The following ZNF142 variants were observed in gnomAD, a reference collection of about 807,000 sequenced individuals.
The protein encoded by ZNF142 is zinc finger protein 142, also known as zinc finger protein 142 (clone pHZ-49).
In ZNF142, 96 loss-of-function variants were observed where a neutral mutation model predicts 132.1. The ratio of observed to expected loss-of-function variants is 0.73; its 90% CI spans 0.62 to 0.86. ZNF142 has a LOEUF of 0.86. ZNF142 is among the 40% of genes least tolerant of loss of function. ZNF142 has a pLI of 0.00. For missense variants in ZNF142, 2,163 were observed against 2,336.2 expected (o/e 0.93, Z 1.53); for synonymous variants, 842 against 890.1 (o/e 0.95, Z 0.96).
chr2:218,637,963 G>A lies in ZNF142; in HGVS notation c.*376C>T, dbSNP rs903234489. On this transcript the variant is annotated 3_prime_UTR_variant, in exon 11 of 11. Coordinates refer to ENST00000411696, the MANE Select transcript of ZNF142 (RefSeq NM_001379659.1). The stretch of plus-strand genomic sequence containing the variant: ...GAGCATTAGGCACAACAGCACATGC[G>A]GTTAGATACAACTGTTTTTAGAAGA... The A allele has an allele frequency of 5.7e-6, 1 of 175,656 alleles. No individual in the cohort carries two copies. The highest frequency in any genetic ancestry group is 1.2e-5 in the Non-Finnish European group (1 of 84,310). The allele number at this position is 175,656 out of a possible 1,614,324, so 10.9% of individuals were successfully genotyped here.
Position 218,658,805 on chromosome 2 carries a change from C to A in ZNF142, c.-139G>T, listed in dbSNP as rs747874376. 1 of 152,186 alleles carries A rather than the reference C, an allele frequency of 6.6e-6. No homozygotes were observed. The highest frequency in any genetic ancestry group is 1.5e-5 in the Non-Finnish European group (1 of 68,078). The allele number at this position is 152,186 out of a possible 1,614,324, so 9.4% of individuals were successfully genotyped here. A position where few individuals can be genotyped will look rare whatever the true frequency, so the allele number is the denominator to read the frequency against. On this transcript the variant is annotated 5_prime_UTR_variant, in exon 3 of 11. Coordinates refer to ENST00000411696, the MANE Select transcript of ZNF142 (RefSeq NM_001379659.1). ...CGTCAAGATTAAGAACCTTCACCTG[C>A]GGGAGGGCAGGGTGAGGTAGGAGAC...
In ZNF142 at chr2:218,640,785, G is replaced by A; in HGVS notation, c.5089-16C>T. The stretch of plus-strand genomic sequence containing the variant: ...GCATGTGGTACTGGAAGAGGCAAGA[G>A]CAAAAAGCAGAAAATATAGTAAGTG... On this transcript the variant is annotated splice_polypyrimidine_tract_variant and intron_variant, in intron 9 of 10. Transcript: ENST00000411696. 2 of 1,606,254 alleles carry A rather than the reference G, an allele frequency of 1.2e-6. No homozygotes were observed. Among genetic ancestry groups the A allele is most frequent in the Non-Finnish European group, 8.5e-7 (1 of 1,173,288 alleles).
Position 218,644,664 on chromosome 2 carries a change from T to C in ZNF142, c.2452A>G (p.Met818Val). The C allele has an allele frequency of 1.2e-6, 2 of 1,614,216 alleles. No homozygotes were observed. Among genetic ancestry groups the C allele is most frequent in the African/African-American group, 1.3e-5 (1 of 75,064 alleles). The change falls in exon 9 of 11, where the codon ATG becomes GTG. Residue 818 changes from methionine (M) to valine (V), a missense_variant. By Grantham distance (21) the Met-to-Val change is conservative. Transcript: ENST00000411696. This position sits in a 1 kb window ranked among gnomAD's most constrained non-coding sequence, Gnocchi z 4.6. Reference protein sequence around the residue: ...RYASQEPEGAMQGPTPPPDSE... With the variant: ...RYASQEPEGAVQGPTPPPDSE... Reference sequence around the variant, plus strand: ...TCTGGTGGGGGTGTTGGGCCCTGCATGGCCCCTTCTGGCTCCTGGCTTGCA... The same window carrying C: ...TCTGGTGGGGGTGTTGGGCCCTGCACGGCCCCTTCTGGCTCCTGGCTTGCA...
chr2:218,638,824 C>T lies in ZNF142; in HGVS notation c.5195-16G>A, dbSNP rs978598128. On this transcript the variant is annotated splice_polypyrimidine_tract_variant and intron_variant, in intron 10 of 10. Transcript: ENST00000411696. Reference sequence around the variant, plus strand: ...GGCTTCAGTCCTACAGGACAGGGAACAAATCACCATTGAAAGGCGGTGGAG... The same window carrying T: ...GGCTTCAGTCCTACAGGACAGGGAATAAATCACCATTGAAAGGCGGTGGAG... The T allele has an allele frequency of 3.4e-5, 53 of 1,568,642 alleles. No homozygotes were observed. The highest frequency in any genetic ancestry group is 4.3e-5 in the Non-Finnish European group (50 of 1,160,548).
At chr2:218,640,574 C>T (rs1697099997) in intron 10 of ZNF142, 90 bp downstream of exon 10, 1 of 1,177,674 alleles carries the variant, frequency 8.5e-7, no homozygotes. Context: ...GATGTTGGCC[C>T]TGAATTGGAA....
Position 218,652,066 on chromosome 2 carries a change from T to C in ZNF142, c.515A>G (p.Glu172Gly). ...SPLSCPVCRQ[E>G]FAQPQALKSH... ...CTTCAGGGCCTGGGGTTGGGCAAAC[T>C]CCTGTCTACACACAGGGCATGATAG... The change falls in exon 5 of 11, where the codon GAG (glutamate) becomes GGG (glycine). Residue 172 changes from glutamate (E) to glycine (G), a missense_variant. Glu to Gly is a moderately conservative substitution (Grantham distance 98). Coordinates refer to ENST00000411696, the MANE Select transcript of ZNF142 (RefSeq NM_001379659.1). 2.2e-6 allele frequency: 1 copy of C among 462,888 alleles called. No homozygotes were observed. 28.7% of individuals were successfully genotyped at this position (462,888 alleles called of 1,614,324 possible). A position where few individuals can be genotyped will look rare whatever the true frequency, so the allele number is the denominator to read the frequency against.
chr2:218,645,603 A>G (rs542257635), intron 8 of ZNF142, among the ~76,000 whole-genome samples: 2 of 152,254 alleles, frequency 1.3e-5, no homozygotes, highest in Admixed American at 1.3e-4. Flanking sequence ...AACTCAAGTG[A>G]CACCTTAGTC....
chr2:218,650,256 C>A, intron 6 of ZNF142, 103 bp downstream of exon 6: 1 of 1,423,764 alleles, frequency 7.0e-7, no homozygotes, highest in South Asian at 1.2e-5. Context: ...ATAAAAGGAT[C>A]CGAACCAAAG....
chr2:218,634,070 C>T lies in ZNF142; in HGVS notation c.*4269G>A, dbSNP rs1188962655. The T allele has an allele frequency of 3.2e-6, 5 of 1,572,900 alleles. No individual in the cohort carries two copies. Among genetic ancestry groups the T allele is most frequent in the Non-Finnish European group, 4.3e-6 (5 of 1,158,962 alleles). On this transcript the variant is annotated 3_prime_UTR_variant, in exon 11 of 11. Transcript: ENST00000411696. This position sits in a 1 kb window ranked among gnomAD's most constrained non-coding sequence, Gnocchi z 4.0. ...GGACTAGGGAAGTGGGAGATTCCAC[C>T]CCACTTCCATCTCCCTCTCTATACC...
rs780208929 is a variant in ZNF142, at chr2:218,638,565, AG to A, written c.5437del (p.Leu1813SerfsTer100). The A allele has an allele frequency of 1.2e-6, 2 of 1,611,462 alleles. No individual in the cohort carries two copies. The highest frequency in any genetic ancestry group is 4.5e-5 in the East Asian group (2 of 44,804). ...GAAGGGGTGGCGGTCGGTGTGGGTG[AG>A]GGCATGATGGCGCAGGCCAGCAGCC... is the stretch of plus-strand genomic sequence containing the variant. Reference protein sequence around the residue: ...RWAAGLRHHALTHTDRHPFFC... With the variant: ...RWAAGLRHHAXTHTDRHPFFC... On this transcript the variant is annotated frameshift_variant, in exon 11 of 11. Coordinates refer to ENST00000411696, the MANE Select transcript of ZNF142 (RefSeq NM_001379659.1). LOFTEE classifies it high-confidence loss of function.
At chr2:218,651,213 C>A (rs1165527992) in intron 5 of ZNF142, among the ~76,000 whole-genome samples, 1 of 152,184 alleles carries the variant, frequency 6.6e-6, no homozygotes, top group African/African-American at 2.4e-5. Flanking sequence ...AACTCCTGGG[C>A]TCAAGGGATC....
In ZNF142 at chr2:218,634,536, A is replaced by T. The variant is rs149628135; in HGVS notation, c.*3803T>A. The T allele has an allele frequency of 7.6e-5, 123 of 1,614,062 alleles. No individual in the cohort carries two copies. The African/African-American group carries it at 1.4e-3, about 18-fold the overall frequency. ...TTCCGCCAGAATGGCGGCTGTGGCT[A>T]TGTGCTGAAGCCAGACTTCCTGCGT... On this transcript the variant is annotated 3_prime_UTR_variant, in exon 11 of 11. Coordinates refer to ENST00000411696, the MANE Select transcript of ZNF142 (RefSeq NM_001379659.1). This position sits in a 1 kb window ranked among gnomAD's most constrained non-coding sequence, Gnocchi z 4.0.
In ZNF142 at chr2:218,636,828, ATACTG is replaced by A. The variant is rs1696788906; in HGVS notation, c.*1506_*1510del. ...CCTGCCCTTTTCCTTTGTGTACTCT[ATACTG>A]GAGTTCCCTTCTTCCTCTTGCTGTA... On this transcript the variant is annotated 3_prime_UTR_variant, in exon 11 of 11. Transcript: ENST00000411696. 3.5e-6 allele frequency: 2 copies of A among 570,084 alleles called. No individual in the cohort carries two copies. The highest frequency in any genetic ancestry group is 6.6e-6 in the Non-Finnish European group (2 of 301,660). The allele number at this position is 570,084 out of a possible 1,614,324, so 35.3% of individuals were successfully genotyped here. A position where few individuals can be genotyped will look rare whatever the true frequency, so the allele number is the denominator to read the frequency against.
chr2:218,640,840 G>C (rs1423032323), intron 9 of ZNF142, 71 bp from the exon 10 acceptor site: 4 of 1,261,444 alleles, frequency 3.2e-6, no homozygotes, highest in Non-Finnish European at 4.6e-6. Context: ...TATTATCCAG[G>C]TTATTCTTGC....
In ZNF142 at chr2:218,634,172, C is replaced by T. The variant is rs1465262520; in HGVS notation, c.*4167G>A. On this transcript the variant is annotated 3_prime_UTR_variant, in exon 11 of 11. Coordinates refer to ENST00000411696, the MANE Select transcript of ZNF142 (RefSeq NM_001379659.1). The surrounding 1 kb of genome is among the most constrained non-coding windows in gnomAD (Gnocchi z 4.0). ...TGTATCCCAGCGGCCTGAGGACAGACTCTTCCAACTACAACCCCCAGGAAC... is the reference window on the plus strand; with the variant it reads ...TGTATCCCAGCGGCCTGAGGACAGATTCTTCCAACTACAACCCCCAGGAAC... 6.2e-7 allele frequency: 1 copy of T among 1,612,424 alleles called. No individual in the cohort carries two copies. The highest frequency in any genetic ancestry group is 8.5e-7 in the Non-Finnish European group (1 of 1,179,294).
chr2:218,640,061 C>CAAAAAAAAAAAAAAA (rs35136548), intron 10 of ZNF142, among the ~76,000 whole-genome samples: 3 of 44,334 alleles, frequency 6.8e-5, no homozygotes, highest in Admixed American at 4.4e-4. Context: ...GACTCTGTCT[C>CAAAAAAAAAAAAAAA]AAAAAAAAAA....
intron 7 of ZNF142, among the ~76,000 whole-genome samples, chr2:218,647,679 G>A (rs76305057): frequency 2.6e-3 from 391 of 152,194 alleles, no homozygotes; most frequent in African/African-American, 8.2e-3. Flanking sequence ...AAGGTGAGCT[G>A]TCCATATTGA....
intron 7 of ZNF142, among the ~76,000 whole-genome samples, chr2:218,648,123 C>G (rs991623571): frequency 5.5e-5 from 7 of 127,538 alleles, no homozygotes; most frequent in African/African-American, 1.7e-4. Context: ...CCTAAAGCAT[C>G]AAGAATGCTA....
At position 218,638,564 on chromosome 2, in the gene ZNF142, G is replaced by A. The variant is rs771163019; in HGVS notation, c.5439C>T (p.Leu1813=). Residue 1813 remains leucine (L), a synonymous_variant, in exon 11 of 11, where the codon CTC becomes CTT. Transcript: ENST00000411696. ...AGAAGGGGTGGCGGTCGGTGTGGGT[G>A]AGGGCATGATGGCGCAGGCCAGCAG... ...RWAAGLRHHA[L]THTDRHPFFC... The A allele has an allele frequency of 3.1e-6, 5 of 1,611,950 alleles. No homozygotes were observed. In the South Asian group the frequency reaches 4.4e-5, roughly 14 times the overall value.
Sources: gnomAD v4.1 joint callset for allele counts (sites outside exome capture counted in the v4.1 genomes callset) on GRCh38, gnomAD v4.1.1 for gene constraint, Gnocchi (gnomAD v3.1) non-coding constraint, MANE v1.5 for transcripts, NCBI Gene and HGNC (gene_info 2026-07-23, HGNC 2026-07-21) for gene names.